GLB1L2: variants seen among roughly 807,000 people sequenced by gnomAD.
GLB1L2 encodes the protein beta-galactosidase-1-like protein 2.
A neutral mutation model predicts 84.1 loss-of-function variants in GLB1L2; 68 were observed. The ratio of observed to expected loss-of-function variants is 0.81; its 90% confidence interval spans 0.67 to 0.99. The LOEUF is 0.99. GLB1L2 is among the 50% of genes least tolerant of loss of function. GLB1L2 has a pLI of 0.00. For missense variants in GLB1L2, 762 were observed against 805.6 expected (o/e 0.95, Z 0.66); for synonymous variants, 290 against 318.0 (o/e 0.91, Z 0.94).
chr11:134,346,171 C>T (rs917111331), intron 4 of GLB1L2, among the ~76,000 whole-genome samples: 6 of 152,170 alleles, frequency 3.9e-5, no homozygotes, highest in African/African-American at 9.7e-5. Flanking sequence ...CAGCATGACC[C>T]GCCCTTCCCT....
intron 8 of GLB1L2, among the ~76,000 whole-genome samples, chr11:134,366,900 T>C (rs1943872947): frequency 6.6e-6 from 1 of 152,022 alleles, no homozygotes; most frequent in Non-Finnish European, 1.5e-5. Context: ...AGATATGGAG[T>C]TGTCCTGGGT....
In GLB1L2 at chr11:134,332,020, AC is replaced by A. The variant is rs1943300674; in HGVS notation, c.-41del. The stretch of plus-strand genomic sequence containing the variant: ...GGCTCCCGCGCGCGGCTGAGTGCGG[AC>A]TGGAGTGGGAACCCGGGTCCCCGCG... On this transcript the variant is annotated 5_prime_UTR_variant, in exon 1 of 19. In the 5' UTR this introduces an upstream ATG that the reference lacks. Transcript: ENST00000535456. 7.1e-7 allele frequency: 1 copy of A among 1,404,808 alleles called. No homozygotes were observed. The highest frequency in any genetic ancestry group is 9.7e-7 in the Non-Finnish European group (1 of 1,027,786). 87.0% of individuals were successfully genotyped at this position (1,404,808 alleles called of 1,614,324 possible). A position where few individuals can be genotyped will look rare whatever the true frequency, so the allele number is the denominator to read the frequency against.
intron 7 of GLB1L2, among the ~76,000 whole-genome samples, chr11:134,362,214 T>C (rs1943802727): frequency 6.6e-6 from 1 of 152,122 alleles, no homozygotes; most frequent in Admixed American, 6.5e-5. Flanking sequence ...CACGTTTTTC[T>C]TGAATGTATT....
In GLB1L2 at chr11:134,368,568, G is replaced by A. The variant is rs1164102005; in HGVS notation, c.890-76G>A. Reference sequence around the variant, plus strand: ...GTTTTGAGGTGGGACTGGGAAAGAGGAGAGTAGTGAAGGGACCCCGGCTCA... The same window carrying A: ...GTTTTGAGGTGGGACTGGGAAAGAGAAGAGTAGTGAAGGGACCCCGGCTCA... On this transcript the variant is annotated intron_variant, in intron 9 of 18. Coordinates refer to ENST00000535456, the MANE Select transcript of GLB1L2 (RefSeq NM_001370461.1). The A allele has an allele frequency of 4.0e-6, 6 of 1,499,798 alleles. No individual in the cohort carries two copies. In the East Asian group the frequency reaches 1.1e-4, roughly 28 times the overall value. The allele number at this position is 1,499,798 out of a possible 1,614,324, so 92.9% of individuals were successfully genotyped here.
At chr11:134,358,983 C>T in intron 6 of GLB1L2, 77 bp from the exon 7 acceptor site, 4 of 1,013,708 alleles carry the variant, frequency 3.9e-6, no homozygotes, top group Non-Finnish European at 5.8e-6. Context: ...CTTCAGGCTA[C>T]CCAACTGCAG....
intron 1 of GLB1L2, among the ~76,000 whole-genome samples, chr11:134,340,932 G>A (rs955138047): frequency 2.6e-5 from 4 of 152,186 alleles, no homozygotes; most frequent in African/African-American, 7.2e-5. Flanking sequence ...GATTTGACCC[G>A]AGGCCCAAGT....
chr11:134,347,044 A>C (rs1310855608), intron 4 of GLB1L2: 2 of 404,376 alleles, frequency 4.9e-6, no homozygotes, highest in African/African-American at 3.9e-5. Flanking sequence ...TCCTGTGAAA[A>C]GCTTTTCTCA....
intron 7 of GLB1L2, chr11:134,361,420 TG>T (rs1943787464): frequency 6.6e-6 from 1 of 151,860 alleles, no homozygotes; most frequent in African/African-American, 2.4e-5. Flanking sequence ...GGCGCCAGCG[TG>T]GGCCTCGCGG....
chr11:134,343,342 T>C lies in GLB1L2; in HGVS notation c.284+391T>C, dbSNP rs148786919. 4.8e-3 allele frequency among the ~76,000 whole-genome samples: 724 copies of C among 152,278 alleles called. 7 individuals carry two copies. The highest frequency in any genetic ancestry group is 5.6e-3 in the Non-Finnish European group (379 of 68,004). On this transcript the variant is annotated intron_variant, in intron 2 of 18. Coordinates refer to ENST00000535456, the MANE Select transcript of GLB1L2 (RefSeq NM_001370461.1). ...TGGCCCCAGTTTTCAGCACTCCTCT[T>C]GGGCAGTGGTCTTAGAATGCTGTGG...
intron 5 of GLB1L2, among the ~76,000 whole-genome samples, chr11:134,349,846 G>T (rs547732491): frequency 1.3e-5 from 2 of 152,302 alleles, no homozygotes; most frequent in East Asian, 3.9e-4. Flanking sequence ...AACAGGACCT[G>T]CCAGGACTGG....
At chr11:134,347,503 T>C (rs897061411) in intron 5 of GLB1L2, 70 bp downstream of exon 5, 1 of 1,073,918 alleles carries the variant, frequency 9.3e-7, no homozygotes, top group Admixed American at 1.7e-5. Context: ...CCTTGGTTAG[T>C]TCTCAGACCA....
intron 2 of GLB1L2, 46 bp from the exon 3 acceptor site, chr11:134,344,341 G>A (rs772750573): frequency 7.5e-6 from 12 of 1,606,356 alleles, no homozygotes; most frequent in African/African-American, 1.3e-5. Context: ...GAGGTGAAAT[G>A]GAATGAATGA....
In GLB1L2 at chr11:134,332,027, T is replaced by C. The variant is rs766869118; in HGVS notation, c.-35T>C. On this transcript the variant is annotated 5_prime_UTR_variant, in exon 1 of 19. Transcript: ENST00000535456. ...GCGCGCGGCTGAGTGCGGACTGGAG[T>C]GGGAACCCGGGTCCCCGCGCTTAGA... 3 of 1,468,656 alleles carry C rather than the reference T, an allele frequency of 2.0e-6. No homozygotes were observed. The highest frequency in any genetic ancestry group is 1.2e-5 in the South Asian group (1 of 81,648). The allele number at this position is 1,468,656 out of a possible 1,614,324, so 91.0% of individuals were successfully genotyped here.
chr11:134,353,082 T>C (rs1002389393), intron 5 of GLB1L2, among the ~76,000 whole-genome samples: 1 of 152,204 alleles, frequency 6.6e-6, no homozygotes, highest in Non-Finnish European at 1.5e-5. Context: ...TTGGGAAAAA[T>C]AAAACTTTGT....
chr11:134,356,498 T>G lies in GLB1L2; in HGVS notation c.651+105T>G, dbSNP rs1051085303. The G allele has an allele frequency of 2.2e-5, 16 of 725,542 alleles. 1 individual carries two copies. The South Asian group carries it at 2.3e-4, about 10-fold the overall frequency. 44.9% of individuals were successfully genotyped at this position (725,542 alleles called of 1,614,324 possible). A position where few individuals can be genotyped will look rare whatever the true frequency, so the allele number is the denominator to read the frequency against. ...ATATTTTTCTCATATTAATACATCC[T>G]CCAACATCATGTATTAGTGAATTTT... On this transcript the variant is annotated intron_variant, in intron 6 of 18. Transcript: ENST00000535456.
At chr11:134,372,695 C>T (rs1323507800) in intron 15 of GLB1L2, 1 of 152,230 alleles carries the variant, frequency 6.6e-6, no homozygotes, top group Non-Finnish European at 1.5e-5. Flanking sequence ...GCGTTTGTGA[C>T]GGAGGAAACT....
chr11:134,351,085 C>T (rs900671062), intron 5 of GLB1L2, among the ~76,000 whole-genome samples: 6 of 152,204 alleles, frequency 3.9e-5, no homozygotes, highest in Admixed American at 3.3e-4. Context: ...GCTGAAAGCA[C>T]GAATGCTTGG....
chr11:134,346,752 T>C (rs548225809), intron 4 of GLB1L2: 5 of 154,406 alleles, frequency 3.2e-5, no homozygotes, highest in Admixed American at 3.2e-4. Flanking sequence ...GCTGTGTTCC[T>C]CTGGGGAGTT....
chr11:134,336,089 C>T lies in GLB1L2; in HGVS notation c.86+3942C>T, dbSNP rs760490753. ...GAAAGGCAGCAGGTGTTTTTAGAGG[C>T]TCCTGCTAACGAGGTAGATATTTCT... On this transcript the variant is annotated intron_variant, in intron 1 of 18. Transcript: ENST00000535456. 3.9e-4 allele frequency among the ~76,000 whole-genome samples: 60 copies of T among 152,212 alleles called. 1 individual carries two copies. The highest frequency in any genetic ancestry group is 7.3e-5 in the Non-Finnish European group (5 of 68,046).
Sources: allele counts gnomAD v4.1 joint callset (sites outside exome capture counted in the v4.1 genomes callset), GRCh38; gene constraint gnomAD v4.1.1; transcripts MANE v1.5; gene names NCBI Gene and HGNC (gene_info 2026-07-23, HGNC 2026-07-21).